Variants in DEFB4A observed in about 807,000 individuals in gnomAD.
The protein encoded by DEFB4A is beta defensin-2.
chr8:7,894,984 G>GTCTT (rs759307164), intron 1 of DEFB4A, among the ~76,000 whole-genome samples: 6 of 110,332 alleles, frequency 5.4e-5, no homozygotes, highest in African/African-American at 1.7e-4. Flanking sequence ...CCTAGAGCAT[G>GTCTT]TCTTTCTTTC....
rs1818969371 is a variant in DEFB4A, at chr8:7,894,677, A to G, written c.-36A>G. On this transcript the variant is annotated 5_prime_UTR_variant, in exon 1 of 2. Coordinates refer to ENST00000302247, the MANE Select transcript of DEFB4A (RefSeq NM_004942.4). ...AGGTGGAAGGCTTGATGTCCTCCCC[A>G]GACTCAGCTCCTGGTGAAGCTCCCA... 1.2e-6 allele frequency: 2 copies of G among 1,603,938 alleles called. No homozygotes were observed. Among genetic ancestry groups the G allele is most frequent in the Non-Finnish European group, 1.7e-6 (2 of 1,173,310 alleles).
chr8:7,896,011 C>A (rs1819001619), intron 1 of DEFB4A, among the ~76,000 whole-genome samples: 1 of 104,406 alleles, frequency 9.6e-6, no homozygotes, highest in Non-Finnish European at 2.1e-5. Flanking sequence ...TAAACAATTT[C>A]AGTAAGTTGC....
chr8:7,896,166 C>T (rs1360623169), intron 1 of DEFB4A, among the ~76,000 whole-genome samples: 1 of 101,718 alleles, frequency 9.8e-6, no homozygotes, highest in Admixed American at 9.6e-5. Context: ...CACAAGAGAT[C>T]GTTGCTGAGC....
intron 1 of DEFB4A, among the ~76,000 whole-genome samples, chr8:7,895,162 C>T (rs183160340): frequency 0.017 from 1,705 of 100,950 alleles, 316 homozygotes; most frequent in South Asian, 0.1. Flanking sequence ...TTGTAAATAT[C>T]ATCTCTTCAC....
At position 7,895,049 on chromosome 8, in the gene DEFB4A, A is replaced by G. The variant is rs1818985777; in HGVS notation, c.58+279A>G. On this transcript the variant is annotated intron_variant, in intron 1 of 1. Coordinates refer to ENST00000302247, the MANE Select transcript of DEFB4A (RefSeq NM_004942.4). ...TTAGACTGAGTAGACTGAATGCCCT[A>G]TTTAATTGAACCAAGCATTGCTTCC... Among the ~76,000 whole-genome samples the G allele has an allele frequency of 2.0e-5, 2 of 101,268 alleles. 1 individual carries two copies. The highest frequency in any genetic ancestry group is 4.2e-5 in the Non-Finnish European group (2 of 47,178). 66.4% of individuals were successfully genotyped at this position (101,268 alleles called of 152,430 possible).
In DEFB4A at chr8:7,896,018, T is replaced by C. The variant is rs868374272; in HGVS notation, c.59-456T>C. ...TTTCCTATTAAACAATTTCAGTAAGTTGCATCTTTTTTATCCCATCTCAGA... is the reference window on the plus strand; with the variant it reads ...TTTCCTATTAAACAATTTCAGTAAGCTGCATCTTTTTTATCCCATCTCAGA... On this transcript the variant is annotated intron_variant, in intron 1 of 1. Transcript: ENST00000302247. Among the ~76,000 whole-genome samples the C allele has an allele frequency of 4.8e-5, 5 of 104,622 alleles. 1 individual carries two copies. Among genetic ancestry groups the C allele is most frequent in the Non-Finnish European group, 1.1e-4 (5 of 47,306 alleles). The allele number at this position is 104,622 out of a possible 152,430, so 68.6% of individuals were successfully genotyped here.
intron 1 of DEFB4A, 56 bp downstream of exon 1, chr8:7,894,826 TTC>T (rs1818978742): frequency 6.3e-7 from 1 of 1,575,300 alleles, no homozygotes; most frequent in African/African-American, 1.4e-5. Flanking sequence ...GGCGTAGAAG[TTC>T]TCTGTCTCCT....
intron 1 of DEFB4A, among the ~76,000 whole-genome samples, 170 bp downstream of exon 1, chr8:7,894,940 C>T (rs1818983032): frequency 1.6e-5 from 2 of 123,608 alleles, no homozygotes; most frequent in African/African-American, 6.2e-5. Context: ...TCTTCCCTCT[C>T]TCTCTTTTTT....
chr8:7,895,861 AGGAG>A (rs1257335972), intron 1 of DEFB4A, among the ~76,000 whole-genome samples: 1,153 of 30,764 alleles, frequency 0.037, 136 homozygotes, highest in African/African-American at 0.12. Flanking sequence ...GAAGGAGGGA[AGGAG>A]GGAGGGAGGG....
At position 7,895,898 on chromosome 8, in the gene DEFB4A, G is replaced by A. The variant is rs1460222900; in HGVS notation, c.59-576G>A. Among the ~76,000 whole-genome samples, 3 of 87,768 alleles carry A rather than the reference G, an allele frequency of 3.4e-5. No individual in the cohort carries two copies. In the South Asian group the frequency reaches 1.6e-3, roughly 46 times the overall value. The allele number at this position is 87,768 out of a possible 152,430, so 57.6% of individuals were successfully genotyped here. ...GGGAGGGAAACAAAAAGAAGAATGAGGTTGAAACCAGGACTTAGATATTAG... is the reference window on the plus strand; with the variant it reads ...GGGAGGGAAACAAAAAGAAGAATGAAGTTGAAACCAGGACTTAGATATTAG... On this transcript the variant is annotated intron_variant, in intron 1 of 1. Coordinates refer to ENST00000302247, the MANE Select transcript of DEFB4A (RefSeq NM_004942.4).
At chr8:7,894,933 T>C (rs1406839507) in intron 1 of DEFB4A, among the ~76,000 whole-genome samples, 163 bp downstream of exon 1, 1 of 125,514 alleles carries the variant, frequency 8.0e-6, no homozygotes, top group African/African-American at 3.0e-5. Flanking sequence ...TCTCTCTTCT[T>C]CCCTCTCTCT....
At chr8:7,895,711 G>A (rs1306790338) in intron 1 of DEFB4A, among the ~76,000 whole-genome samples, 1 of 75,906 alleles carries the variant, frequency 1.3e-5, no homozygotes, top group Non-Finnish European at 2.7e-5. Flanking sequence ...GGGGTTCTGA[G>A]AGGCACCAGA....
At chr8:7,896,037 T>C (rs1819002115) in intron 1 of DEFB4A, among the ~76,000 whole-genome samples, 1 of 103,920 alleles carries the variant, frequency 9.6e-6, no homozygotes, top group African/African-American at 3.4e-5. Flanking sequence ...TTTTATCCCA[T>C]CTCAGATCAA....
rs1362732591 is a variant in DEFB4A, at chr8:7,895,684, G to A, written c.59-790G>A. Among the ~76,000 whole-genome samples the A allele has an allele frequency of 4.0e-5, 3 of 75,362 alleles. 1 individual carries two copies. The East Asian group carries it at 1.6e-3, about 41-fold the overall frequency. The allele number at this position is 75,362 out of a possible 152,430, so 49.4% of individuals were successfully genotyped here. A position where few individuals can be genotyped will look rare whatever the true frequency, so the allele number is the denominator to read the frequency against. On this transcript the variant is annotated intron_variant, in intron 1 of 1. Transcript: ENST00000302247. ...TTACCAATCTTATTTATGAGTCCTG[G>A]GTTTTGTGAGAACAATGGGGTTCTG...
At position 7,896,009 on chromosome 8, in the gene DEFB4A, T is replaced by G. The variant is rs1298393822; in HGVS notation, c.59-465T>G. On this transcript the variant is annotated intron_variant, in intron 1 of 1. Coordinates refer to ENST00000302247, the MANE Select transcript of DEFB4A (RefSeq NM_004942.4). ...TGGTGTTAATTTCCTATTAAACAATTTCAGTAAGTTGCATCTTTTTTATCC... is the reference window on the plus strand; with the variant it reads ...TGGTGTTAATTTCCTATTAAACAATGTCAGTAAGTTGCATCTTTTTTATCC... Among the ~76,000 whole-genome samples the G allele has an allele frequency of 3.8e-5, 4 of 104,568 alleles. 1 individual carries two copies. Among genetic ancestry groups the G allele is most frequent in the African/African-American group, 1.4e-4 (4 of 29,220 alleles). The allele number at this position is 104,568 out of a possible 152,430, so 68.6% of individuals were successfully genotyped here. A position where few individuals can be genotyped will look rare whatever the true frequency, so the allele number is the denominator to read the frequency against.
rs1819004936 is a variant in DEFB4A, at chr8:7,896,240, G to T, written c.59-234G>T. 2.1e-5 allele frequency among the ~76,000 whole-genome samples: 2 copies of T among 93,114 alleles called. 1 individual carries two copies. The highest frequency in any genetic ancestry group is 4.7e-5 in the Non-Finnish European group (2 of 42,976). The allele number at this position is 93,114 out of a possible 152,430, so 61.1% of individuals were successfully genotyped here. On this transcript the variant is annotated intron_variant, in intron 1 of 1. Coordinates refer to ENST00000302247, the MANE Select transcript of DEFB4A (RefSeq NM_004942.4). ...AGAGATCAGGGTCTTTCACAATCAGGTTCTACAAAAATAAACATCCCCCAA... is the reference window on the plus strand; with the variant it reads ...AGAGATCAGGGTCTTTCACAATCAGTTTCTACAAAAATAAACATCCCCCAA...
chr8:7,895,861 A>G (rs1232163325), intron 1 of DEFB4A, among the ~76,000 whole-genome samples: 6 of 30,790 alleles, frequency 1.9e-4, no homozygotes, highest in Admixed American at 3.4e-4. Context: ...GAAGGAGGGA[A>G]GGAGGGAGGG....
intron 1 of DEFB4A, among the ~76,000 whole-genome samples, chr8:7,895,966 T>A (rs1585734718): frequency 1.9e-5 from 2 of 102,872 alleles, no homozygotes; most frequent in Admixed American, 9.5e-5. Context: ...TAATTGTGGT[T>A]TTCAACTGTA....
intron 1 of DEFB4A, among the ~76,000 whole-genome samples, chr8:7,896,054 A>G (rs1819002410): frequency 9.7e-6 from 1 of 103,372 alleles, no homozygotes; most frequent in Admixed American, 9.5e-5. Context: ...TCAAATACTT[A>G]ACAGACTAAA....
Sources: allele counts gnomAD v4.1 joint callset (sites outside exome capture counted in the v4.1 genomes callset), GRCh38; gene constraint gnomAD v4.1.1; transcripts MANE v1.5; gene names NCBI Gene and HGNC (gene_info 2026-07-23, HGNC 2026-07-21).